The following TEX15 variants were observed in gnomAD, a reference collection of about 807,000 sequenced individuals.
The protein encoded by TEX15 is testis-expressed protein 15.
In TEX15, 171 loss-of-function variants were observed where a neutral mutation model predicts 237.3. That is an observed-to-expected ratio of 0.72 (90% CI 0.64 to 0.82). The LOEUF (loss-of-function observed/expected upper bound fraction) is 0.82, where lower values mean the gene tolerates loss of function less well. Among genes scored for constraint, TEX15 ranks in the 40% least tolerant of loss-of-function variants. The pLI is 0.00. For missense variants in TEX15, 3,750 were observed against 3,646.5 expected (o/e 1.03, Z -0.73); for synonymous variants, 1,338 against 1,269.8 (o/e 1.05, Z -1.14).
chr8:30,851,883 G>C (rs991016910), intron 7 of TEX15, among the ~76,000 whole-genome samples: 2 of 151,892 alleles, frequency 1.3e-5, no homozygotes, highest in Non-Finnish European at 2.9e-5. Context: ...GCAGTGAGCC[G>C]AGATGGCACC....
At position 30,845,462 on chromosome 8, in the gene TEX15, C is replaced by G; in HGVS notation, c.4705G>C (p.Glu1569Gln). ...GCTGTATCAATTTGATTTTCTTTTT[C>G]TATTAGTTTCTCATCTGAGTGGTCT... is the stretch of plus-strand genomic sequence containing the variant. ...SPDHSDEKLI[E>Q]KENQIDTAFL... The change falls in exon 8 of 11, where the codon GAA (glutamate) becomes CAA (glutamine). Residue 1569 changes from glutamate (E) to glutamine (Q), a missense_variant. By Grantham distance (29) the Glu-to-Gln change is conservative (BLOSUM62 2). Transcript: ENST00000643185. The G allele has an allele frequency of 6.2e-7, 1 of 1,612,930 alleles. No individual in the cohort carries two copies. Among genetic ancestry groups the G allele is most frequent in the Non-Finnish European group, 8.5e-7 (1 of 1,179,388 alleles).
At chr8:30,909,155 T>G (rs1385989331) in intron 1 of TEX15, among the ~76,000 whole-genome samples, 35 of 152,164 alleles carry the variant, frequency 2.3e-4, no homozygotes, top group African/African-American at 7.0e-4. Context: ...CTCAAATCAG[T>G]TATTTTATTA....
intron 1 of TEX15, among the ~76,000 whole-genome samples, chr8:30,910,184 A>G (rs950841013): frequency 6.6e-6 from 1 of 152,146 alleles, no homozygotes; most frequent in African/African-American, 2.4e-5. Flanking sequence ...AAAAAAAAAA[A>G]AACTTTAAAG....
chr8:30,837,793 T>C lies in TEX15; in HGVS notation c.8491A>G (p.Lys2831Glu). Residue 2831 changes from lysine (K) to glutamate (E), a missense_variant, in exon 10 of 11, where the codon AAA becomes GAA. Lys to Glu is a moderately conservative substitution (Grantham distance 56). Transcript: ENST00000643185. ...GCAGCACAATCTTTCTTATCACTTT[T>C]TGTTTCAGCAGCACTGAAGTTCACA... ...RNVNFSAAET[K>E]SDKKDCAAFA... is the part of the protein sequence containing the mutation. 1 of 1,614,208 alleles carries C rather than the reference T, an allele frequency of 6.2e-7. No individual in the cohort carries two copies. The highest frequency in any genetic ancestry group is 8.5e-7 in the Non-Finnish European group (1 of 1,180,034).
chr8:30,847,704 C>T lies in TEX15; in HGVS notation c.2463G>A (p.Gln821=). 1.2e-6 allele frequency: 2 copies of T among 1,613,840 alleles called. No individual in the cohort carries two copies. The part of the protein sequence containing the change: ...ENEPVSLENI[Q]RDYKETAYVE... Reference sequence around the variant, plus strand: ...CATAAGCAGTTTCTTTATAGTCTCTCTGAATGTTCTCTAATGACACTGGTT... The same window carrying T: ...CATAAGCAGTTTCTTTATAGTCTCTTTGAATGTTCTCTAATGACACTGGTT... Residue 821 remains glutamine, a synonymous_variant, in exon 8 of 11, where the codon CAG becomes CAA. Coordinates refer to ENST00000643185, the MANE Select transcript of TEX15 (RefSeq NM_001350162.2).
At chr8:30,889,693 C>T (rs1808741072) in intron 2 of TEX15, among the ~76,000 whole-genome samples, 1 of 151,882 alleles carries the variant, frequency 6.6e-6, no homozygotes, top group Non-Finnish European at 1.5e-5. Flanking sequence ...TCAGTTATTA[C>T]CTTTTAAGTA....
At chr8:30,866,373 AGG>A (rs1808166469) in intron 5 of TEX15, among the ~76,000 whole-genome samples, 1 of 117,810 alleles carries the variant, frequency 8.5e-6, no homozygotes, top group East Asian at 2.2e-4. Flanking sequence ...GGGAAGAGGA[AGG>A]GGAAGGGGAA....
intron 3 of TEX15, among the ~76,000 whole-genome samples, chr8:30,875,357 C>G (rs1301498642): frequency 6.6e-6 from 1 of 152,166 alleles, no homozygotes; most frequent in Non-Finnish European, 1.5e-5. Context: ...ACAGATATGA[C>G]AGTCCCAGAA....
chr8:30,837,765 A>G lies in TEX15; in HGVS notation c.8519T>C (p.Phe2840Ser). Reference protein sequence around the residue: ...TKSDKKDCAAFAICDQKSVHG... With the variant: ...TKSDKKDCAASAICDQKSVHG... ...TACACTTTTTTGGTCACAAATTGCA[A>G]AAGCAGCACAATCTTTCTTATCACT... The change falls in exon 10 of 11, where the codon TTT (phenylalanine) becomes TCT (serine). Residue 2840 changes from phenylalanine (F) to serine (S), a missense_variant. Coordinates refer to ENST00000643185, the MANE Select transcript of TEX15 (RefSeq NM_001350162.2). The G allele has an allele frequency of 1.2e-6, 2 of 1,614,172 alleles. No individual in the cohort carries two copies. Among genetic ancestry groups the G allele is most frequent in the South Asian group, 1.1e-5 (1 of 91,088 alleles).
At chr8:30,869,808 G>A (rs1808253167) in intron 4 of TEX15, among the ~76,000 whole-genome samples, 1 of 151,954 alleles carries the variant, frequency 6.6e-6, no homozygotes, top group Non-Finnish European at 1.5e-5. Flanking sequence ...CAGGCAAGGA[G>A]CTTCACCTGC....
intron 3 of TEX15, among the ~76,000 whole-genome samples, chr8:30,877,083 A>C (rs1236854908): frequency 6.6e-6 from 1 of 152,218 alleles, no homozygotes; most frequent in Non-Finnish European, 1.5e-5. Context: ...TATTAAAAAA[A>C]ATAGGACTAA....
intron 2 of TEX15, chr8:30,890,523 A>G (rs1426928764): frequency 1.3e-5 from 2 of 152,096 alleles, no homozygotes; most frequent in Non-Finnish European, 2.9e-5. Context: ...CCATTACTCT[A>G]CCTAAATAGC....
At chr8:30,862,300 T>C (rs1236818648) in intron 5 of TEX15, among the ~76,000 whole-genome samples, 2 of 152,148 alleles carry the variant, frequency 1.3e-5, no homozygotes, top group Non-Finnish European at 2.9e-5. Flanking sequence ...CAGAATTTGT[T>C]GGGCAAATAT....
At chr8:30,851,925 C>T (rs928270661) in intron 7 of TEX15, among the ~76,000 whole-genome samples, 1 of 151,874 alleles carries the variant, frequency 6.6e-6, no homozygotes, top group African/African-American at 2.4e-5. Flanking sequence ...CAGAGCAAGA[C>T]CCCATCTCAA....
At chr8:30,902,846 A>G (rs1809032226) in intron 1 of TEX15, among the ~76,000 whole-genome samples, 1 of 152,216 alleles carries the variant, frequency 6.6e-6, no homozygotes, top group Admixed American at 6.5e-5. Flanking sequence ...AGAACCACCA[A>G]TCTAGGTGAT....
intron 5 of TEX15, 40 bp from the exon 6 acceptor site, chr8:30,860,097 T>C (rs1256977820): frequency 1.0e-5 from 14 of 1,394,242 alleles, no homozygotes; most frequent in Non-Finnish European, 1.3e-5. Flanking sequence ...CGTAAAAATA[T>C]ACCAAAACGT....
intron 4 of TEX15, among the ~76,000 whole-genome samples, chr8:30,867,756 A>G (rs1808204561): frequency 6.6e-6 from 1 of 152,104 alleles, no homozygotes; most frequent in African/African-American, 2.4e-5. Flanking sequence ...AATGCTGCTA[A>G]TGTAACCAGT....
At chr8:30,893,133 T>C (rs1465422554) in intron 2 of TEX15, among the ~76,000 whole-genome samples, 1 of 152,022 alleles carries the variant, frequency 6.6e-6, no homozygotes, top group Non-Finnish European at 1.5e-5. Context: ...GCTTTAGATA[T>C]ATACTGATCC....
chr8:30,879,934 T>A (rs1369377678), intron 3 of TEX15, among the ~76,000 whole-genome samples: 1 of 140,112 alleles, frequency 7.1e-6, no homozygotes, highest in Non-Finnish European at 1.5e-5. Flanking sequence ...TTCCTTTTTT[T>A]TTTTAAAAAA....
Sources: gnomAD v4.1 joint callset for allele counts (sites outside exome capture counted in the v4.1 genomes callset) on GRCh38, gnomAD v4.1.1 for gene constraint, MANE v1.5 for transcripts, NCBI Gene and HGNC (gene_info 2026-07-23, HGNC 2026-07-21) for gene names.